WWOX: variants seen among roughly 807,000 people sequenced by gnomAD.
WWOX encodes WW domain-containing oxidoreductase.
WWOX carries 69 observed loss-of-function variants against 46.2 expected under a neutral mutation model. That is an observed-to-expected ratio of 1.49 (90% CI 1.23 to 1.82). WWOX has a LOEUF of 1.82. WWOX is among the 40% of genes most tolerant of loss of function. The pLI, the probability that WWOX is intolerant of heterozygous loss-of-function variation, is 0.00. For missense variants in WWOX, 919 were observed against 542.6 expected, an observed-to-expected ratio of 1.69 and a Z score of -6.89; for synonymous variants, 359 against 202.6, an observed-to-expected ratio of 1.77 and a Z score of -6.56.
At chr16:78,454,505 GTTTC>G (rs1456460247) in intron 8 of WWOX, among the ~76,000 whole-genome samples, 1 of 151,858 alleles carries the variant, frequency 6.6e-6, no homozygotes, top group African/African-American at 2.4e-5. Context: ...TTGTTTGTTT[GTTTC>G]TTTGTTTGTT....
intron 8 of WWOX, among the ~76,000 whole-genome samples, chr16:78,755,581 A>T (rs759254598): frequency 2.0e-5 from 3 of 152,158 alleles, no homozygotes; most frequent in Non-Finnish European, 2.9e-5. Flanking sequence ...GCCCTGCCCG[A>T]AGCCTCTCAG....
intron 8 of WWOX, among the ~76,000 whole-genome samples, chr16:78,877,207 C>T (rs1366169452): frequency 5.3e-5 from 8 of 152,162 alleles, no homozygotes; most frequent in Admixed American, 5.2e-4. Flanking sequence ...GACTTTATAT[C>T]CCATTTCAGG....
At chr16:78,604,221 T>G (rs1396520654) in intron 8 of WWOX, among the ~76,000 whole-genome samples, 14 of 152,188 alleles carry the variant, frequency 9.2e-5, no homozygotes, top group Admixed American at 9.2e-4. Flanking sequence ...CAAAATACTT[T>G]GTTTACATGT....
chr16:78,610,492 C>T (rs1213884482), intron 8 of WWOX, among the ~76,000 whole-genome samples: 1 of 152,082 alleles, frequency 6.6e-6, no homozygotes, highest in African/African-American at 2.4e-5. Context: ...ATACTCATTC[C>T]TTTAAAGCTA....
At chr16:78,810,180 A>C (rs2051149226) in intron 8 of WWOX, among the ~76,000 whole-genome samples, 2 of 152,310 alleles carry the variant, frequency 1.3e-5, no homozygotes, top group South Asian at 4.1e-4. Flanking sequence ...AGTGACGGGT[A>C]CCCCTTGCCT....
intron 1 of WWOX, among the ~76,000 whole-genome samples, chr16:78,105,115 G>A (rs1046641139): frequency 8.5e-5 from 13 of 152,206 alleles, no homozygotes; most frequent in Non-Finnish European, 1.9e-4. Context: ...TGGGACTGGG[G>A]TATTGGCATC....
chr16:79,015,137 C>T (rs2047387151), intron 8 of WWOX, among the ~76,000 whole-genome samples: 1 of 152,146 alleles, frequency 6.6e-6, no homozygotes, highest in Admixed American at 6.5e-5. Flanking sequence ...TGTGATTTGC[C>T]ATTGGGTTGG....
At chr16:78,155,436 TC>T (rs1044694118) in intron 4 of WWOX, among the ~76,000 whole-genome samples, 3 of 152,194 alleles carry the variant, frequency 2.0e-5, no homozygotes, top group Non-Finnish European at 2.9e-5. Context: ...TTGCACCTTT[TC>T]CATTTCATAG....
chr16:78,871,656 G>T (rs2044131336), intron 8 of WWOX, among the ~76,000 whole-genome samples: 1 of 152,218 alleles, frequency 6.6e-6, no homozygotes, highest in South Asian at 2.1e-4. Context: ...CTGGAGTGCA[G>T]TAGTGCAATT....
Position 79,126,507 on chromosome 16 carries a change from C to T in WWOX, c.1057-85101C>T, listed in dbSNP as rs761633685. Among the ~76,000 whole-genome samples, 98 of 152,184 alleles carry T rather than the reference C, an allele frequency of 6.4e-4. 1 individual carries two copies. Among genetic ancestry groups the T allele is most frequent in the Non-Finnish European group, 1.1e-3 (77 of 68,020 alleles). On this transcript the variant is annotated intron_variant, in intron 8 of 8. Transcript: ENST00000566780. ...GGTAGTTCGTTCTGTGTTCATTCTCCCTCCTGCCGCCTTGTGAAGAAGGTT... is the reference window on the plus strand; with the variant it reads ...GGTAGTTCGTTCTGTGTTCATTCTCTCTCCTGCCGCCTTGTGAAGAAGGTT...
chr16:78,654,457 G>A lies in WWOX; in HGVS notation c.1056+221705G>A, dbSNP rs115033344. Among the ~76,000 whole-genome samples the A allele has an allele frequency of 8.1e-4, 124 of 152,288 alleles. 2 individuals are homozygous for A. Among genetic ancestry groups the A allele is most frequent in the African/African-American group, 2.9e-3 (121 of 41,554 alleles). ...CAATATAGTAATGAACAAAACAGAT[G>A]TTATCTCTACCCTTATGGTTTTTAT... is the stretch of plus-strand genomic sequence containing the variant. On this transcript the variant is annotated intron_variant, in intron 8 of 8. Transcript: ENST00000566780.
intron 8 of WWOX, among the ~76,000 whole-genome samples, chr16:78,859,001 TAAAAAA>T (rs542176032): frequency 4.5e-5 from 2 of 44,328 alleles, no homozygotes; most frequent in African/African-American, 7.4e-5. Context: ...TTTTGAAATT[TAAAAAA>T]AAAAAAAAAA....
At position 78,432,719 on chromosome 16, in the gene WWOX, G is replaced by C. The variant is rs2083255112; in HGVS notation, c.1023G>C (p.Leu341=). ...GCAGCTGGTGGGTGTACACACTGCT[G>C]TTTACCTTGGCGAGGCCTTTCACCA... is the stretch of plus-strand genomic sequence containing the variant. ...IHRSWWVYTL[L]FTLARPFTKS... is the part of the protein sequence containing the mutation. Residue 341 remains leucine (L), a synonymous_variant, in exon 8 of 9, where the codon CTG becomes CTC. Transcript: ENST00000566780. The C allele has an allele frequency of 6.2e-7, 1 of 1,614,064 alleles. No individual in the cohort carries two copies. Among genetic ancestry groups the C allele is most frequent in the South Asian group, 1.1e-5 (1 of 91,090 alleles).
chr16:78,166,164 A>C (rs1283519075), intron 5 of WWOX, among the ~76,000 whole-genome samples: 1 of 151,718 alleles, frequency 6.6e-6, no homozygotes, highest in Non-Finnish European at 1.5e-5. Flanking sequence ...TCTGTTCTGT[A>C]CTTTTTTTTT....
chr16:79,158,729 G>T (rs1434676397), intron 8 of WWOX, among the ~76,000 whole-genome samples: 1 of 152,218 alleles, frequency 6.6e-6, no homozygotes, highest in Non-Finnish European at 1.5e-5. Context: ...CGCCTTTACA[G>T]ACAGATTTTT....
chr16:78,571,108 T>G (rs955640777), intron 8 of WWOX, among the ~76,000 whole-genome samples: 2 of 152,216 alleles, frequency 1.3e-5, no homozygotes, highest in African/African-American at 4.8e-5. Context: ...GAAAGCTTAC[T>G]GTAGTTACTT....
At position 78,996,252 on chromosome 16, in the gene WWOX, C is replaced by G. The variant is rs1028954431; in HGVS notation, c.1057-215356C>G. On this transcript the variant is annotated intron_variant, in intron 8 of 8. Coordinates refer to ENST00000566780, the MANE Select transcript of WWOX (RefSeq NM_016373.4). ...AGAAGTAACCTTGAAAAGGGCAGAGCTGAGCCAGACCCCTTTTCAGCTGGG... is the reference window on the plus strand; with the variant it reads ...AGAAGTAACCTTGAAAAGGGCAGAGGTGAGCCAGACCCCTTTTCAGCTGGG... The G allele has an allele frequency of 5.1e-6, 5 of 984,880 alleles. No homozygotes were observed. In the African/African-American group the frequency reaches 8.8e-5, roughly 17 times the overall value. The allele number at this position is 984,880 out of a possible 1,614,324, so 61.0% of individuals were successfully genotyped here. A position where few individuals can be genotyped will look rare whatever the true frequency, so the allele number is the denominator to read the frequency against.
At chr16:79,067,520 A>G (rs935812076) in intron 8 of WWOX, among the ~76,000 whole-genome samples, 2 of 150,956 alleles carry the variant, frequency 1.3e-5, no homozygotes, top group Non-Finnish European at 2.9e-5. Context: ...GTCTGCCCGG[A>G]CATCTCCTCA....
chr16:79,075,745 G>A (rs928933592), intron 8 of WWOX, among the ~76,000 whole-genome samples: 3 of 152,036 alleles, frequency 2.0e-5, no homozygotes, highest in African/African-American at 7.2e-5. Context: ...TAGAGATGGG[G>A]TCTCATCTGG....
Sources: gnomAD v4.1 joint callset for allele counts (sites outside exome capture counted in the v4.1 genomes callset) on GRCh38, gnomAD v4.1.1 for gene constraint, MANE v1.5 for transcripts, NCBI Gene and HGNC (gene_info 2026-07-23, HGNC 2026-07-21) for gene names.